The following ADGB variants were observed in gnomAD, a reference collection of about 807,000 sequenced individuals.
ADGB encodes androglobin.
ADGB carries 172 observed loss-of-function variants against 210.5 expected under a neutral mutation model. The observed-to-expected ratio is 0.82, with a 90% CI of 0.72 to 0.93. ADGB has a LOEUF of 0.93. Ranked by LOEUF, ADGB falls within the 40% of genes least tolerant of loss-of-function variation. The pLI is 0.00. For missense variants in ADGB, 2,025 were observed against 1,964.8 expected (o/e 1.03, Z -0.58); for synonymous variants, 658 against 662.7 (o/e 0.99, Z 0.11).
At chr6:146,652,975 A>G (rs904553950) in intron 3 of ADGB, among the ~76,000 whole-genome samples, 14 of 152,158 alleles carry the variant, frequency 9.2e-5, no homozygotes, top group Non-Finnish European at 1.5e-4. Context: ...GGAGGTGAGC[A>G]GCGGGCGAAC....
In ADGB at chr6:146,698,552, C is replaced by T. The variant is rs79619864; in HGVS notation, c.1578-2389C>T. ...TTAAGGTTTTGTCAGTTCTATGTAT[C>T]GACAACTGAACATTGAAAAGTGGGT... On this transcript the variant is annotated intron_variant, in intron 12 of 35. Coordinates refer to ENST00000397944, the MANE Select transcript of ADGB (RefSeq NM_024694.4). Among the ~76,000 whole-genome samples the T allele has an allele frequency of 1.4e-3, 213 of 152,130 alleles. 1 individual carries two copies. The highest frequency in any genetic ancestry group is 4.6e-3 in the South Asian group (22 of 4,816).
In ADGB at chr6:146,741,051, T is replaced by A. The variant is rs1777157452; in HGVS notation, c.3024-67T>A. 3 of 1,293,620 alleles carry A rather than the reference T, an allele frequency of 2.3e-6. No homozygotes were observed. The South Asian group carries it at 6.3e-5, about 27-fold the overall frequency. 80.1% of individuals were successfully genotyped at this position (1,293,620 alleles called of 1,614,324 possible). A position where few individuals can be genotyped will look rare whatever the true frequency, so the allele number is the denominator to read the frequency against. The stretch of plus-strand genomic sequence containing the variant: ...GATTTTTAAAAAAATTTCTTGGCAT[T>A]AATGCAAATTTCAAACTTCCTTTAA... On this transcript the variant is annotated intron_variant, in intron 24 of 35. Transcript: ENST00000397944.
intron 7 of ADGB, among the ~76,000 whole-genome samples, chr6:146,667,362 G>T (rs1421841468): frequency 6.6e-6 from 1 of 151,970 alleles, no homozygotes; most frequent in African/African-American, 2.4e-5. Flanking sequence ...AATTCCTCAG[G>T]CCAGTAAGGG....
At chr6:146,669,879 C>T (rs573332828) in intron 7 of ADGB, among the ~76,000 whole-genome samples, 2 of 152,236 alleles carry the variant, frequency 1.3e-5, no homozygotes, top group East Asian at 1.9e-4. Context: ...CAGAAAGGAA[C>T]TCTTGATTCT....
chr6:146,755,316 C>A (rs1280014667), intron 27 of ADGB, among the ~76,000 whole-genome samples: 3 of 152,036 alleles, frequency 2.0e-5, no homozygotes, highest in African/African-American at 7.2e-5. Flanking sequence ...TTGTGCCCCA[C>A]CCAAATCTCA....
At chr6:146,651,136 G>C (rs1164149217) in intron 3 of ADGB, among the ~76,000 whole-genome samples, 2 of 152,230 alleles carry the variant, frequency 1.3e-5, no homozygotes, top group African/African-American at 4.8e-5. Flanking sequence ...GAAATTCCCT[G>C]AGACAAAGGC....
chr6:146,648,443 C>T (rs891236615), intron 3 of ADGB, among the ~76,000 whole-genome samples: 11 of 152,082 alleles, frequency 7.2e-5, no homozygotes, highest in Non-Finnish European at 1.6e-4. Flanking sequence ...CACAGTTCCA[C>T]AAGCTGTACA....
intron 1 of ADGB, among the ~76,000 whole-genome samples, chr6:146,621,564 A>C (rs1780896610): frequency 6.6e-6 from 1 of 152,130 alleles, no homozygotes; most frequent in Non-Finnish European, 1.5e-5. Context: ...GGGCTGGCAC[A>C]GTCTAAAATG....
At chr6:146,664,078 AG>A in intron 5 of ADGB, 122 bp from the exon 6 acceptor site, 1 of 909,226 alleles carries the variant, frequency 1.1e-6, no homozygotes, top group Non-Finnish European at 1.6e-6. Context: ...TCCGTCTTTC[AG>A]TGTAAGATGC....
At position 146,782,008 on chromosome 6, in the gene ADGB, A is replaced by T. The variant is rs1453257367; in HGVS notation, c.3863-12A>T. ...TTATGACTCACCATTTTTTATTTTT[A>T]TGTCTCTCTAGCTTATGGTGAAAGA... On this transcript the variant is annotated splice_polypyrimidine_tract_variant and intron_variant, in intron 29 of 35. Coordinates refer to ENST00000397944, the MANE Select transcript of ADGB (RefSeq NM_024694.4). 1 of 1,437,856 alleles carries T rather than the reference A, an allele frequency of 7.0e-7. No individual in the cohort carries two copies. The highest frequency in any genetic ancestry group is 9.1e-7 in the Non-Finnish European group (1 of 1,097,982). 89.1% of individuals were successfully genotyped at this position (1,437,856 alleles called of 1,614,324 possible).
intron 1 of ADGB, among the ~76,000 whole-genome samples, chr6:146,616,817 T>C (rs937646850): frequency 6.6e-6 from 1 of 152,266 alleles, no homozygotes; most frequent in African/African-American, 2.4e-5. Context: ...GTTGTTGTTT[T>C]GCCAGTACCA....
rs563129865 is a variant in ADGB, at chr6:146,676,296, A to AT, written c.1088-11dup. 786 of 1,531,790 alleles carry AT rather than the reference A, an allele frequency of 5.1e-4. 3 individuals are homozygous for AT. The African/African-American group carries it at 8.8e-3, about 17-fold the overall frequency. 94.9% of individuals were successfully genotyped at this position (1,531,790 alleles called of 1,614,324 possible). On this transcript the variant is annotated splice_polypyrimidine_tract_variant and intron_variant, in intron 8 of 35. Coordinates refer to ENST00000397944, the MANE Select transcript of ADGB (RefSeq NM_024694.4). ...TTGTCTAGTTAAAATATTTATTGTG[A>AT]TTTTTTCATATGTTAGAGAAAGCAG... is the stretch of plus-strand genomic sequence containing the variant.
intron 3 of ADGB, among the ~76,000 whole-genome samples, chr6:146,648,013 T>C (rs1273414432): frequency 6.6e-6 from 1 of 152,066 alleles, no homozygotes; most frequent in Non-Finnish European, 1.5e-5. Context: ...TTTATGAACA[T>C]TGTCACAACT....
chr6:146,739,948 C>A (rs531439095), intron 23 of ADGB, among the ~76,000 whole-genome samples: 1 of 152,222 alleles, frequency 6.6e-6, no homozygotes, highest in East Asian at 1.9e-4. Context: ...CTCCCTTATA[C>A]ACTCAGAAAT....
chr6:146,704,090 G>C (rs1449799924), intron 13 of ADGB, among the ~76,000 whole-genome samples: 1 of 151,690 alleles, frequency 6.6e-6, no homozygotes, highest in Non-Finnish European at 1.5e-5. Flanking sequence ...AAACACATAC[G>C]TTGGCCATTT....
chr6:146,803,131 C>CAA, intron 35 of ADGB: 1 of 1,484,960 alleles, frequency 6.7e-7, no homozygotes, highest in Non-Finnish European at 9.4e-7. Flanking sequence ...CAATCTACCA[C>CAA]AACGCCAAGA....
At chr6:146,626,624 T>G (rs73588054) in intron 1 of ADGB, among the ~76,000 whole-genome samples, 13,286 of 151,998 alleles carry the variant, frequency 0.087, 604 homozygotes, top group East Asian at 0.13. Flanking sequence ...TGTGTTTTAA[T>G]GAGAACTTTG....
chr6:146,754,112 A>G (rs1339362517), intron 27 of ADGB, among the ~76,000 whole-genome samples: 1 of 151,334 alleles, frequency 6.6e-6, no homozygotes, highest in Non-Finnish European at 1.5e-5. Flanking sequence ...ACTGCCTTTC[A>G]TTTTTATAGA....
At chr6:146,640,676 A>G (rs1370172285) in intron 2 of ADGB, among the ~76,000 whole-genome samples, 1 of 152,090 alleles carries the variant, frequency 6.6e-6, no homozygotes, top group Non-Finnish European at 1.5e-5. Context: ...GAATATCTAT[A>G]TAAATGCAGA....
Sources: allele counts gnomAD v4.1 joint callset (sites outside exome capture counted in the v4.1 genomes callset), GRCh38; gene constraint gnomAD v4.1.1; transcripts MANE v1.5; gene names NCBI Gene and HGNC (gene_info 2026-07-23, HGNC 2026-07-21).